The following CASR variants were observed in gnomAD, a reference collection of about 807,000 sequenced individuals.
The protein encoded by CASR is extracellular calcium-sensing receptor.
CASR carries 23 observed loss-of-function variants against 69.1 expected under a neutral mutation model. The ratio of observed to expected loss-of-function variants is 0.33; its 90% CI spans 0.24 to 0.47. The LOEUF (loss-of-function observed/expected upper bound fraction) is 0.47, where lower values mean the gene tolerates loss of function less well. CASR is among the 20% of genes least tolerant of loss of function. The pLI, the probability that CASR is intolerant of heterozygous loss-of-function variation, is 1.00. For synonymous variants in CASR, 541 were observed against 544.7 expected, an observed-to-expected ratio of 0.99 and a Z score of 0.10; for missense variants, 924 against 1,356.1, an observed-to-expected ratio of 0.68 and a Z score of 5.00.
At chr3:122,235,395 T>C (rs2074319653) in intron 1 of CASR, among the ~76,000 whole-genome samples, 1 of 152,330 alleles carries the variant, frequency 6.6e-6, no homozygotes, top group South Asian at 2.1e-4. Flanking sequence ...ATTCAGAAAG[T>C]TACCCTAACT....
At chr3:122,275,558 T>G (rs1490793094) in intron 4 of CASR, among the ~76,000 whole-genome samples, 1 of 152,190 alleles carries the variant, frequency 6.6e-6, no homozygotes, top group African/African-American at 2.4e-5. Context: ...CCCTTTCCTT[T>G]CCCCATCTTC....
At chr3:122,264,686 G>A (rs1385058340) in intron 4 of CASR, among the ~76,000 whole-genome samples, 4 of 152,172 alleles carry the variant, frequency 2.6e-5, no homozygotes, top group African/African-American at 9.7e-5. Flanking sequence ...AATGACATGG[G>A]AAATTGGCCA....
chr3:122,285,057 C>T lies in CASR; in HGVS notation c.3103C>T (p.Pro1035Ser), dbSNP rs762383457. The change falls in exon 7 of 7, where the codon CCT (proline) becomes TCT (serine). Residue 1035 changes from proline (P) to serine (S), a missense_variant. By Grantham distance (74) the Pro-to-Ser change is moderately conservative. Transcript: ENST00000639785. Reference sequence around the variant, plus strand: ...CGTCCAGGAAACAGGTCTGCAAGGACCTGTGGGTGGAGACCAGCGGCCAGA... The same window carrying T: ...CGTCCAGGAAACAGGTCTGCAAGGATCTGTGGGTGGAGACCAGCGGCCAGA... ...LTVQETGLQG[P>S]VGGDQRPEVE... 8 of 1,614,210 alleles carry T rather than the reference C, an allele frequency of 5.0e-6. No homozygotes were observed. Among genetic ancestry groups the T allele is most frequent in the East Asian group, 2.2e-5 (1 of 44,886 alleles).
At position 122,201,003 on chromosome 3, in the gene CASR, TTA is replaced by T. The variant is rs1559935513; in HGVS notation, c.-243+17193_-243+17194del. Among the ~76,000 whole-genome samples the T allele has an allele frequency of 1.4e-4, 9 of 64,106 alleles. 1 individual carries two copies. Among genetic ancestry groups the T allele is most frequent in the African/African-American group, 1.9e-4 (4 of 21,504 alleles). The allele number at this position is 64,106 out of a possible 152,430, so 42.1% of individuals were successfully genotyped here. On this transcript the variant is annotated intron_variant, in intron 1 of 6. Transcript: ENST00000639785. ...TTTGCCCATTGCTTTTCTTTTTTTT[TTA>T]TTTTTTTTTTTTTTATTGATCATTC...
At chr3:122,192,410 G>A (rs1371637775) in intron 1 of CASR, among the ~76,000 whole-genome samples, 1 of 152,090 alleles carries the variant, frequency 6.6e-6, no homozygotes, top group East Asian at 1.9e-4. Context: ...AACAACTAAA[G>A]GTTTTATGTA....
intron 1 of CASR, among the ~76,000 whole-genome samples, chr3:122,221,457 G>A (rs577234207): frequency 6.6e-6 from 1 of 152,160 alleles, no homozygotes; most frequent in African/African-American, 2.4e-5. Flanking sequence ...ATCTACAGAG[G>A]TTCAGAGGAA....
At chr3:122,275,559 C>T (rs1219763886) in intron 4 of CASR, among the ~76,000 whole-genome samples, 1 of 152,202 alleles carries the variant, frequency 6.6e-6, no homozygotes, top group Non-Finnish European at 1.5e-5. Flanking sequence ...CCTTTCCTTT[C>T]CCCATCTTCA....
At chr3:122,217,342 C>A (rs896380915) in intron 1 of CASR, among the ~76,000 whole-genome samples, 4 of 152,100 alleles carry the variant, frequency 2.6e-5, no homozygotes, top group Non-Finnish European at 5.9e-5. Context: ...TTCAAGCAAT[C>A]TGCCTGCCTC....
At chr3:122,215,557 T>C (rs1181467204) in intron 1 of CASR, among the ~76,000 whole-genome samples, 1 of 152,252 alleles carries the variant, frequency 6.6e-6, no homozygotes, top group East Asian at 1.9e-4. Flanking sequence ...TTAAAGGTTT[T>C]TTTAAAAGCA....
At chr3:122,264,491 G>A (rs2074664520) in intron 4 of CASR, among the ~76,000 whole-genome samples, 1 of 152,164 alleles carries the variant, frequency 6.6e-6, no homozygotes, top group African/African-American at 2.4e-5. Context: ...GGGAAGTCAG[G>A]ATGCCATTAC....
At position 122,224,491 on chromosome 3, in the gene CASR, T is replaced by C. The variant is rs149685868; in HGVS notation, c.-242-29457T>C. On this transcript the variant is annotated intron_variant, in intron 1 of 6. Transcript: ENST00000639785. ...CTAGGAATACAGCTAACCAAGGAGGTAAAAGTTCTCAACAACAAAAATTAC... is the reference window on the plus strand; with the variant it reads ...CTAGGAATACAGCTAACCAAGGAGGCAAAAGTTCTCAACAACAAAAATTAC... Among the ~76,000 whole-genome samples, 747 of 151,544 alleles carry C rather than the reference T, an allele frequency of 4.9e-3. 4 individuals are homozygous for C. Among genetic ancestry groups the C allele is most frequent in the African/African-American group, 0.017 (717 of 41,270 alleles).
chr3:122,284,209 G>T lies in CASR; in HGVS notation c.2255G>T (p.Arg752Leu). 6.2e-7 allele frequency: 1 copy of T among 1,613,970 alleles called. No homozygotes were observed. The highest frequency in any genetic ancestry group is 8.5e-7 in the Non-Finnish European group (1 of 1,180,014). ...WLYTAPPSSY[R>L]NQELEDEIIF... ...TACACCGCGCCCCCGTCAAGCTACC[G>T]CAACCAGGAGCTGGAGGATGAGATC... Residue 752 changes from arginine (R) to leucine (L), a missense_variant, in exon 7 of 7, where the codon CGC becomes CTC. By Grantham distance (102) the Arg-to-Leu change is moderately radical. Coordinates refer to ENST00000639785, the MANE Select transcript of CASR (RefSeq NM_000388.4).
intron 1 of CASR, among the ~76,000 whole-genome samples, chr3:122,208,067 T>C (rs2074026106): frequency 6.6e-6 from 1 of 152,146 alleles, no homozygotes; most frequent in South Asian, 2.1e-4. Context: ...AATGAATATC[T>C]CAAAAAAGTG....
intron 1 of CASR, among the ~76,000 whole-genome samples, chr3:122,237,270 C>T (rs1212925419): frequency 6.6e-6 from 1 of 151,942 alleles, no homozygotes; most frequent in Non-Finnish European, 1.5e-5. Context: ...CCACCACGCC[C>T]GACTAATTTT....
At position 122,275,792 on chromosome 3, in the gene CASR, C is replaced by T. The variant is rs199644797; in HGVS notation, c.1378-20C>T. ...ATGTGGCAGCCCTGGGGCTTGTACT[C>T]ATTCTTTGCTCCTCTTTAGGTCCTG... On this transcript the variant is annotated intron_variant, in intron 4 of 6. Transcript: ENST00000639785. 1.6e-5 allele frequency: 24 copies of T among 1,535,378 alleles called. No homozygotes were observed. In the South Asian group the frequency reaches 2.6e-4, roughly 16 times the overall value.
At chr3:122,233,803 G>A (rs565210471) in intron 1 of CASR, among the ~76,000 whole-genome samples, 1 of 152,236 alleles carries the variant, frequency 6.6e-6, no homozygotes, top group Non-Finnish European at 1.5e-5. Context: ...GTATCTAAGG[G>A]GAACAAAAAT....
At chr3:122,244,156 CA>C (rs2074404893) in intron 1 of CASR, among the ~76,000 whole-genome samples, 1 of 152,042 alleles carries the variant, frequency 6.6e-6, no homozygotes, top group Non-Finnish European at 1.5e-5. Flanking sequence ...TTTAATTATA[CA>C]TTTTTAAATA....
rs2074009571 is a variant in CASR, at chr3:122,206,615, CT to C, written c.-243+22805del. 1.3e-5 allele frequency among the ~76,000 whole-genome samples: 2 copies of C among 151,630 alleles called. 1 individual carries two copies. Among genetic ancestry groups the C allele is most frequent in the South Asian group, 4.1e-4 (2 of 4,822 alleles). On this transcript the variant is annotated intron_variant, in intron 1 of 6. Transcript: ENST00000639785. Reference sequence around the variant, plus strand: ...AACAATGAGTTTGTAAGTATTCTCTCTTCTTTAATTTTTTTGAAGTGTTTGG... The same window carrying C: ...AACAATGAGTTTGTAAGTATTCTCTCTCTTTAATTTTTTTGAAGTGTTTGG...
intron 1 of CASR, among the ~76,000 whole-genome samples, chr3:122,228,824 C>T (rs2074252797): frequency 6.6e-6 from 1 of 152,160 alleles, no homozygotes; most frequent in African/African-American, 2.4e-5. Flanking sequence ...GGCCCAGAAC[C>T]ACCGCTGTGC....
Sources: allele counts gnomAD v4.1 joint callset (sites outside exome capture counted in the v4.1 genomes callset), GRCh38; gene constraint gnomAD v4.1.1; transcripts MANE v1.5; gene names NCBI Gene and HGNC (gene_info 2026-07-23, HGNC 2026-07-21).